The following TRIO variants were observed in gnomAD, a reference collection of about 807,000 sequenced individuals.
TRIO encodes the protein trio Rho guanine nucleotide exchange factor.
Under a neutral mutation model 351.9 loss-of-function variants are expected in TRIO, and 58 were observed. The ratio of observed to expected loss-of-function variants is 0.16; its 90% CI spans 0.13 to 0.21. The LOEUF (loss-of-function observed/expected upper bound fraction) is 0.21. Among genes scored for constraint, TRIO ranks in the 10% least tolerant of loss-of-function variants. The pLI, the probability that TRIO is intolerant of heterozygous loss-of-function variation, is 1.00. For missense variants in TRIO, 3,201 were observed against 4,027.8 expected (o/e 0.79, Z 5.56); for synonymous variants, 1,758 against 1,595.7 (o/e 1.10, Z -2.42).
chr5:14,410,955 A>G (rs913645719), intron 33 of TRIO, among the ~76,000 whole-genome samples: 3 of 152,236 alleles, frequency 2.0e-5, no homozygotes, highest in Admixed American at 1.3e-4. Flanking sequence ...GCTGATCTCC[A>G]TGGTACTTAA....
rs962024475 is a variant in TRIO, at chr5:14,486,388, C to T, written c.6836-1076C>T. 5.3e-5 allele frequency among the ~76,000 whole-genome samples: 8 copies of T among 152,284 alleles called. 1 individual carries two copies. In the East Asian group the frequency reaches 1.5e-3, roughly 29 times the overall value. ...ATCTCAAGCCTCATGGCATTTTTAG[C>T]CAAGTGTTATGTGCTGCCTGGGTGT... is the stretch of plus-strand genomic sequence containing the variant. On this transcript the variant is annotated intron_variant, in intron 47 of 56. Transcript: ENST00000344204.
intron 1 of TRIO, among the ~76,000 whole-genome samples, chr5:14,178,754 G>A (rs142654488): frequency 1.3e-5 from 2 of 152,222 alleles, no homozygotes; most frequent in Non-Finnish European, 2.9e-5. Flanking sequence ...AATGATGTTT[G>A]ACTCAGTCCA....
chr5:14,236,971 G>C (rs1227519118), intron 1 of TRIO, among the ~76,000 whole-genome samples: 1 of 152,138 alleles, frequency 6.6e-6, no homozygotes, highest in Non-Finnish European at 1.5e-5. Context: ...AGCCTCTCCT[G>C]TTACACTCTG....
rs545879851 is a variant in TRIO at position 14,491,075 on chromosome 5, C to T, written c.7633-1492C>T. ...ACAAAGAACAGGAGCTGGGCAGCAC[C>T]GCCATGTTTTTAAGTATGCACCACA... On this transcript the variant is annotated intron_variant, in intron 48 of 56. Transcript: ENST00000344204. Among the ~76,000 whole-genome samples the T allele has an allele frequency of 5.6e-5, 8 of 141,840 alleles. No homozygotes were observed. The South Asian group carries it at 8.7e-4, about 15-fold the overall frequency. 93.1% of individuals were successfully genotyped at this position (141,840 alleles called of 152,430 possible). A position where few individuals can be genotyped will look rare whatever the true frequency, so the allele number is the denominator to read the frequency against.
At chr5:14,367,976 C>A (rs769945599) in intron 16 of TRIO, among the ~76,000 whole-genome samples, 1 of 152,066 alleles carries the variant, frequency 6.6e-6, no homozygotes, top group South Asian at 2.1e-4. Context: ...CTTCTTCAGG[C>A]GAAATGAGAG....
intron 19 of TRIO, among the ~76,000 whole-genome samples, chr5:14,375,646 C>T (rs78133885): frequency 0.058 from 8,837 of 152,182 alleles, 338 homozygotes; most frequent in Middle Eastern, 0.095. Context: ...AAGGCACAGG[C>T]AAGGAGGAGT....
chr5:14,471,365 T>C lies in TRIO; in HGVS notation c.5811T>C (p.Ser1937=), dbSNP rs756534751. 1.2e-6 allele frequency: 2 copies of C among 1,614,044 alleles called. No homozygotes were observed. The highest frequency in any genetic ancestry group is 8.5e-7 in the Non-Finnish European group (1 of 1,180,026). ...CACTCCTTGTTGACCAGGGAGATAGTAGCAGCCCTTCCTTCAACCCTTCGG... is the reference window on the plus strand; with the variant it reads ...CACTCCTTGTTGACCAGGGAGATAGCAGCAGCCCTTCCTTCAACCCTTCGG... ...PSSLLVDQGD[S]SSPSFNPSDN... is the part of the protein sequence containing the mutation. Residue 1937 remains serine, a synonymous_variant, in exon 38 of 57, where the codon AGT becomes AGC. Coordinates refer to ENST00000344204, the MANE Select transcript of TRIO (RefSeq NM_007118.4).
In TRIO at chr5:14,434,157, T is replaced by C. The variant is rs114391505; in HGVS notation, c.5203+14136T>C. ...AAGGCTACATAAAAAGTAAATTTCGTGGGCATTAACTTTGACCATGACCAT... is the reference window on the plus strand; with the variant it reads ...AAGGCTACATAAAAAGTAAATTTCGCGGGCATTAACTTTGACCATGACCAT... On this transcript the variant is annotated intron_variant, in intron 34 of 56. Coordinates refer to ENST00000344204, the MANE Select transcript of TRIO (RefSeq NM_007118.4). 5.4e-3 allele frequency among the ~76,000 whole-genome samples: 815 copies of C among 152,324 alleles called. 5 individuals are homozygous for C. The highest frequency in any genetic ancestry group is 0.018 in the African/African-American group (764 of 41,574).
rs549392302 is a variant in TRIO, at chr5:14,155,585, C to G, written c.157+11703C>G. ...CTCCTCAGCCTGTCTCCCTTGTTACCCTGATAGTTTTGACGATTACATGGT... is the reference window on the plus strand; with the variant it reads ...CTCCTCAGCCTGTCTCCCTTGTTACGCTGATAGTTTTGACGATTACATGGT... On this transcript the variant is annotated intron_variant, in intron 1 of 56. Coordinates refer to ENST00000344204, the MANE Select transcript of TRIO (RefSeq NM_007118.4). Among the ~76,000 whole-genome samples, 23 of 152,208 alleles carry G rather than the reference C, an allele frequency of 1.5e-4. No homozygotes were observed. In the South Asian group the frequency reaches 4.8e-3, roughly 32 times the overall value.
At chr5:14,203,760 C>G (rs1162565041) in intron 1 of TRIO, among the ~76,000 whole-genome samples, 2 of 152,260 alleles carry the variant, frequency 1.3e-5, no homozygotes, top group African/African-American at 4.8e-5. Context: ...GTCACCTGCC[C>G]CTTGCTAGGT....
At chr5:14,452,748 TCAGCAATG>T (rs1285708298) in intron 34 of TRIO, among the ~76,000 whole-genome samples, 1 of 152,228 alleles carries the variant, frequency 6.6e-6, no homozygotes, top group Non-Finnish European at 1.5e-5. Context: ...ACTACTCTGC[TCAGCAATG>T]CAGTTGTTAC....
rs1312339952 is a variant in TRIO, at chr5:14,287,077, T to G, written c.540+14T>G. 1 of 1,613,196 alleles carries G rather than the reference T, an allele frequency of 6.2e-7. No homozygotes were observed. The highest frequency in any genetic ancestry group is 1.7e-5 in the Admixed American group (1 of 59,998). ...TTTGAATTTGAGGTAACTTCCCCCG[T>G]GTGGCTAGACCCACTAAACAAGTTG... On this transcript the variant is annotated intron_variant, in intron 4 of 56. Transcript: ENST00000344204.
rs567737528 is a variant in TRIO, at chr5:14,496,788, G to A, written c.7881-91G>A. 213 of 1,534,798 alleles carry A rather than the reference G, an allele frequency of 1.4e-4. No individual in the cohort carries two copies. The East Asian group carries it at 4.0e-3, about 29-fold the overall frequency. Reference sequence around the variant, plus strand: ...TTCCCATCCCCCTGCACACACATACGTTGAATATTCAGCTTTTCTTTAACG... The same window carrying A: ...TTCCCATCCCCCTGCACACACATACATTGAATATTCAGCTTTTCTTTAACG... On this transcript the variant is annotated intron_variant, in intron 49 of 56. Coordinates refer to ENST00000344204, the MANE Select transcript of TRIO (RefSeq NM_007118.4).
intron 34 of TRIO, among the ~76,000 whole-genome samples, chr5:14,450,781 T>C (rs1752795282): frequency 6.6e-6 from 1 of 152,196 alleles, no homozygotes; most frequent in African/African-American, 2.4e-5. Flanking sequence ...TAACAAACAG[T>C]TGCAGCCCAG....
At chr5:14,404,988 A>G (rs1748575147) in intron 31 of TRIO, among the ~76,000 whole-genome samples, 1 of 151,978 alleles carries the variant, frequency 6.6e-6, no homozygotes, top group Non-Finnish European at 1.5e-5. Context: ...AATTATGCTT[A>G]TATCATAGGA....
At chr5:14,255,629 A>C (rs1794983100) in intron 1 of TRIO, among the ~76,000 whole-genome samples, 1 of 152,240 alleles carries the variant, frequency 6.6e-6, no homozygotes, top group African/African-American at 2.4e-5. Context: ...GCATATACAA[A>C]ATGAGACATC....
chr5:14,262,048 C>T (rs949463881), intron 1 of TRIO, among the ~76,000 whole-genome samples: 7 of 152,280 alleles, frequency 4.6e-5, no homozygotes, highest in South Asian at 2.1e-4. Flanking sequence ...TAGAGTACCA[C>T]GTGTTTGCTA....
In TRIO at chr5:14,394,186, C is replaced by T. The variant is rs1285308622; in HGVS notation, c.4311+56C>T. The T allele has an allele frequency of 2.7e-6, 3 of 1,121,862 alleles. No individual in the cohort carries two copies. The Admixed American group carries it at 6.7e-5, about 25-fold the overall frequency. 69.5% of individuals were successfully genotyped at this position (1,121,862 alleles called of 1,614,324 possible). The stretch of plus-strand genomic sequence containing the variant: ...TTTTATGAATTATGTATTATTTTGA[C>T]ATTTACTATATATTTATATAATTAC... On this transcript the variant is annotated intron_variant, in intron 28 of 56. Coordinates refer to ENST00000344204, the MANE Select transcript of TRIO (RefSeq NM_007118.4).
intron 2 of TRIO, among the ~76,000 whole-genome samples, chr5:14,273,423 T>G (rs904398831): frequency 6.6e-6 from 1 of 152,216 alleles, no homozygotes; most frequent in Admixed American, 6.5e-5. Context: ...TTCCTTCATT[T>G]AGGATGAACT....
Sources: allele counts gnomAD v4.1 joint callset (sites outside exome capture counted in the v4.1 genomes callset), GRCh38; gene constraint gnomAD v4.1.1; transcripts MANE v1.5; gene names NCBI Gene and HGNC (gene_info 2026-07-23, HGNC 2026-07-21).